Variants in PTPRN2 observed in about 807,000 individuals in gnomAD.
PTPRN2 encodes receptor-type tyrosine-protein phosphatase N2.
Under a neutral mutation model 118.8 loss-of-function variants are expected in PTPRN2, and 74 were observed. The ratio of observed to expected loss-of-function variants is 0.62; its 90% CI spans 0.52 to 0.76. The LOEUF is 0.76. PTPRN2 is among the 30% of genes least tolerant of loss of function. PTPRN2 has a pLI of 0.00. For missense variants in PTPRN2, 1,481 were observed against 1,394.4 expected (o/e 1.06, Z -0.99); for synonymous variants, 641 against 608.0 (o/e 1.05, Z -0.80).
intron 11 of PTPRN2, among the ~76,000 whole-genome samples, chr7:157,949,731 G>T (rs779738264): frequency 9.9e-5 from 15 of 152,208 alleles, no homozygotes; most frequent in Non-Finnish European, 1.8e-4. Flanking sequence ...CTTGATAAAA[G>T]TCTCCTGCTC....
intron 11 of PTPRN2, among the ~76,000 whole-genome samples, chr7:157,998,249 G>A (rs1804936021): frequency 6.6e-6 from 1 of 152,140 alleles, no homozygotes; most frequent in African/African-American, 2.4e-5. Flanking sequence ...TTAATTAAGT[G>A]CCTTACCAAA....
intron 19 of PTPRN2, among the ~76,000 whole-genome samples, chr7:157,575,997 T>G (rs2150523467): frequency 6.6e-6 from 1 of 152,354 alleles, no homozygotes; most frequent in East Asian, 1.9e-4. Flanking sequence ...TGCTGCTTTT[T>G]TTTCATTGTC....
chr7:158,262,314 GCACA>G (rs199869963), intron 3 of PTPRN2, among the ~76,000 whole-genome samples: 7 of 146,988 alleles, frequency 4.8e-5, no homozygotes, highest in Non-Finnish European at 9.0e-5. Flanking sequence ...TTCACACACT[GCACA>G]CACATTCACA....
At chr7:157,666,387 T>C (rs1796136786) in intron 13 of PTPRN2, among the ~76,000 whole-genome samples, 1 of 152,110 alleles carries the variant, frequency 6.6e-6, no homozygotes, top group African/African-American at 2.4e-5. Flanking sequence ...GAAGGACGCA[T>C]TTGCAATAAT....
At chr7:157,713,918 G>C (rs1017652124) in intron 12 of PTPRN2, among the ~76,000 whole-genome samples, 2 of 152,182 alleles carry the variant, frequency 1.3e-5, no homozygotes, top group Admixed American at 6.5e-5. Context: ...TCCCCTTCAC[G>C]AAGGAGCGGA....
chr7:158,070,325 C>CCTG (rs1811126661), intron 11 of PTPRN2, among the ~76,000 whole-genome samples: 1 of 140,498 alleles, frequency 7.1e-6, no homozygotes. Context: ...TGGAGGTGCT[C>CCTG]GTGGTGTGGA....
At chr7:158,346,163 A>G (rs1035402223) in intron 2 of PTPRN2, among the ~76,000 whole-genome samples, 2 of 152,218 alleles carry the variant, frequency 1.3e-5, no homozygotes, top group African/African-American at 4.8e-5. Flanking sequence ...TGTGGCAAAA[A>G]CATTTGGAAT....
At chr7:158,150,822 A>G (rs1820936622) in intron 6 of PTPRN2, among the ~76,000 whole-genome samples, 1 of 151,592 alleles carries the variant, frequency 6.6e-6, no homozygotes, top group African/African-American at 2.4e-5. Context: ...GAACTCTCCC[A>G]TGATGGTTGC....
rs192147702 is a variant in PTPRN2 at position 158,280,646 on chromosome 7, C to T, written c.277+36173G>A. Among the ~76,000 whole-genome samples the T allele has an allele frequency of 8.3e-4, 127 of 152,320 alleles. 2 individuals carry two copies. The highest frequency in any genetic ancestry group is 4.8e-3 in the Admixed American group (73 of 15,298). On this transcript the variant is annotated intron_variant, in intron 3 of 22. Coordinates refer to ENST00000389418, the MANE Select transcript of PTPRN2 (RefSeq NM_002847.5). ...AGAGCCTGGGGGAGCCGGACGGGTG[C>T]GGCCCGACACTGCGTAGAGACGCGG...
intron 9 of PTPRN2, among the ~76,000 whole-genome samples, chr7:158,131,623 C>T (rs140882504): frequency 0.012 from 1,855 of 150,646 alleles, 39 homozygotes; most frequent in African/African-American, 0.043. Context: ...CACATCTACC[C>T]GACATACACA....
chr7:158,490,900 C>A lies in PTPRN2; in HGVS notation c.113-1115G>T, dbSNP rs935698272. On this transcript the variant is annotated intron_variant, in intron 1 of 22. Transcript: ENST00000389418. ...CTGGAGTTCAGGAGCCGGGCACACG[C>A]CTGTTTCCACCCTCTACTGTTTCCT... Among the ~76,000 whole-genome samples, 6 of 152,350 alleles carry A rather than the reference C, an allele frequency of 3.9e-5. No individual in the cohort carries two copies. In the South Asian group the frequency reaches 8.3e-4, roughly 21 times the overall value.
At chr7:158,362,694 GT>G (rs1809087032) in intron 2 of PTPRN2, among the ~76,000 whole-genome samples, 1 of 22,470 alleles carries the variant, frequency 4.5e-5, no homozygotes, top group East Asian at 7.9e-4. Flanking sequence ...AGTCAGGTTT[GT>G]CCATCACAAC....
At chr7:158,278,119 G>T (rs1469964867) in intron 3 of PTPRN2, among the ~76,000 whole-genome samples, 1 of 152,208 alleles carries the variant, frequency 6.6e-6, no homozygotes, top group African/African-American at 2.4e-5. Flanking sequence ...GGAGGCCTGA[G>T]CCTGCCCCAC....
At chr7:157,684,759 G>T (rs527373895) in intron 12 of PTPRN2, among the ~76,000 whole-genome samples, 2 of 151,618 alleles carry the variant, frequency 1.3e-5, no homozygotes, top group East Asian at 2.0e-4. Flanking sequence ...AACCTAAGGC[G>T]CCGGCCACGC....
intron 2 of PTPRN2, among the ~76,000 whole-genome samples, chr7:158,364,086 C>A (rs1809230868): frequency 1.3e-5 from 2 of 152,236 alleles, no homozygotes; most frequent in South Asian, 4.1e-4. Context: ...GGAACCAAAT[C>A]AATTCCTTAA....
chr7:158,276,217 CTGTAAGGTAG>C, intron 3 of PTPRN2, among the ~76,000 whole-genome samples: 1 of 146,156 alleles, frequency 6.8e-6, no homozygotes, highest in African/African-American at 2.6e-5. Context: ...CCCCGGCAGG[CTGTAAGGTAG>C]CACCCCCACA....
intron 12 of PTPRN2, among the ~76,000 whole-genome samples, chr7:157,730,891 C>G (rs926387858): frequency 2.6e-5 from 4 of 152,164 alleles, no homozygotes; most frequent in Admixed American, 6.5e-5. Flanking sequence ...CGCTTGTTCT[C>G]TCTCTCATTC....
rs1006708594 is a variant in PTPRN2, at chr7:158,587,765, C to T, written c.-96G>A. ...CCCAGGGAGGCGCGCGCCGCCGGCTCCTCCCGCCGCGCCTCTCGCGCTCTT... is the reference window on the plus strand; with the variant it reads ...CCCAGGGAGGCGCGCGCCGCCGGCTTCTCCCGCCGCGCCTCTCGCGCTCTT... On this transcript the variant is annotated 5_prime_UTR_variant, in exon 1 of 23. Transcript: ENST00000389418. 4.8e-6 allele frequency: 5 copies of T among 1,031,018 alleles called. No individual in the cohort carries two copies. In the African/African-American group the frequency reaches 8.7e-5, roughly 18 times the overall value. The allele number at this position is 1,031,018 out of a possible 1,614,324, so 63.9% of individuals were successfully genotyped here. A position where few individuals can be genotyped will look rare whatever the true frequency, so the allele number is the denominator to read the frequency against.
Position 158,506,630 on chromosome 7 carries a change from G to A in PTPRN2, c.113-16845C>T, listed in dbSNP as rs1204686912. On this transcript the variant is annotated intron_variant, in intron 1 of 22. Transcript: ENST00000389418. ...GAGCCCCATGAACAGTGGACTTTTG[G>A]CCACCAAGGCAGTGGTGTGATGATG... 2.0e-5 allele frequency among the ~76,000 whole-genome samples: 3 copies of A among 151,822 alleles called. No homozygotes were observed. The East Asian group carries it at 5.9e-4, about 30-fold the overall frequency.
Sources: gnomAD v4.1 joint callset for allele counts (sites outside exome capture counted in the v4.1 genomes callset) on GRCh38, gnomAD v4.1.1 for gene constraint, MANE v1.5 for transcripts, NCBI Gene and HGNC (gene_info 2026-07-23, HGNC 2026-07-21) for gene names.